Variants in EHBP1 observed in about 807,000 individuals in gnomAD.
EHBP1 encodes the protein EH domain-binding protein 1.
EHBP1 carries 55 observed loss-of-function variants against 144.0 expected under a neutral mutation model. The ratio of observed to expected loss-of-function variants is 0.38; its 90% confidence interval spans 0.31 to 0.48. The LOEUF (loss-of-function observed/expected upper bound fraction) is 0.48. Ranked by LOEUF, EHBP1 falls within the 20% of genes least tolerant of loss-of-function variation. The pLI is 0.98. For missense variants in EHBP1, 1,200 were observed against 1,364.2 expected (o/e 0.88, Z 1.90); for synonymous variants, 469 against 472.7 (o/e 0.99, Z 0.10).
At chr2:62,852,428 TA>T (rs918667330) in intron 7 of EHBP1, among the ~76,000 whole-genome samples, 1 of 152,010 alleles carries the variant, frequency 6.6e-6, no homozygotes, top group African/African-American at 2.4e-5. Context: ...TTATATTTTA[TA>T]TTTTCATAGT....
chr2:62,917,472 G>A (rs2054723601), intron 10 of EHBP1, among the ~76,000 whole-genome samples: 1 of 152,006 alleles, frequency 6.6e-6, no homozygotes, highest in South Asian at 2.1e-4. Flanking sequence ...ACATGTGTGT[G>A]CGCACACACA....
chr2:62,675,103 G>A (rs1470581754), intron 1 of EHBP1, among the ~76,000 whole-genome samples: 1 of 152,194 alleles, frequency 6.6e-6, no homozygotes, highest in Non-Finnish European at 1.5e-5. Context: ...GGCAGAAACT[G>A]GAGAGATTTC....
intron 7 of EHBP1, among the ~76,000 whole-genome samples, chr2:62,848,844 A>G (rs1210550791): frequency 1.3e-5 from 2 of 152,218 alleles, no homozygotes; most frequent in East Asian, 1.9e-4. Flanking sequence ...ACATGGGTGT[A>G]TATGTTTGTC....
intron 10 of EHBP1, 74 bp from the exon 11 acceptor site, chr2:62,942,644 A>G: frequency 1.5e-6 from 2 of 1,355,426 alleles, no homozygotes; most frequent in East Asian, 4.7e-5. Context: ...AAATGATCTG[A>G]TTAGGTCAAT....
At chr2:62,771,213 A>C (rs2041633189) in intron 4 of EHBP1, 126 bp from the exon 5 acceptor site, 1 of 537,930 alleles carries the variant, frequency 1.9e-6, no homozygotes. Context: ...AGAGTAGGCT[A>C]TTCTGCCTCT....
intron 14 of EHBP1, among the ~76,000 whole-genome samples, chr2:62,978,535 A>G (rs368785268): frequency 1.4e-4 from 22 of 152,026 alleles, no homozygotes; most frequent in East Asian, 7.7e-4. Context: ...CAACTCTCTT[A>G]TTTGTCTTGT....
intron 3 of EHBP1, among the ~76,000 whole-genome samples, chr2:62,751,462 G>C (rs138011519): frequency 9.7e-4 from 148 of 152,124 alleles, no homozygotes; most frequent in African/African-American, 3.3e-3. Flanking sequence ...TGCTGTGTCT[G>C]TGCCAGGCTT....
chr2:62,735,485 A>G (rs1401909720), intron 2 of EHBP1, among the ~76,000 whole-genome samples: 8 of 152,076 alleles, frequency 5.3e-5, no homozygotes. Context: ...TATACACACT[A>G]TGTATATTAA....
At chr2:62,685,297 C>G (rs983093513) in intron 1 of EHBP1, among the ~76,000 whole-genome samples, 15 of 152,006 alleles carry the variant, frequency 9.9e-5, no homozygotes, top group African/African-American at 3.6e-4. Flanking sequence ...ATATATACAA[C>G]TATAATTTGT....
chr2:62,853,476 G>A (rs1256996064), intron 7 of EHBP1, among the ~76,000 whole-genome samples: 1 of 152,128 alleles, frequency 6.6e-6, no homozygotes, highest in Non-Finnish European at 1.5e-5. Context: ...CACATCTGTG[G>A]TTACTTCCTC....
chr2:62,797,005 G>T (rs977344738), intron 5 of EHBP1, among the ~76,000 whole-genome samples: 1 of 151,952 alleles, frequency 6.6e-6, no homozygotes, highest in Admixed American at 6.6e-5. Flanking sequence ...TGAAACTTTG[G>T]AGCCCTATGA....
chr2:62,847,383 G>C lies in EHBP1; in HGVS notation c.635-11786G>C, dbSNP rs549674280. ...AAATACAAAACTGTAAAATGATGAAGCTTCTGAAAAAAAGCAAAACAAAAA... is the reference window on the plus strand; with the variant it reads ...AAATACAAAACTGTAAAATGATGAACCTTCTGAAAAAAAGCAAAACAAAAA... On this transcript the variant is annotated intron_variant, in intron 7 of 22. Transcript: ENST00000431489. Among the ~76,000 whole-genome samples, 335 of 152,080 alleles carry C rather than the reference G, an allele frequency of 2.2e-3. 2 individuals carry two copies. Among genetic ancestry groups the C allele is most frequent in the African/African-American group, 7.6e-3 (316 of 41,466 alleles).
At chr2:63,028,296 T>A (rs2061074606) in intron 19 of EHBP1, among the ~76,000 whole-genome samples, 1 of 152,196 alleles carries the variant, frequency 6.6e-6, no homozygotes, top group African/African-American at 2.4e-5. Context: ...CCTGGTTATC[T>A]GAACCCAAGC....
At chr2:62,887,670 C>G (rs1417045090) in intron 10 of EHBP1, among the ~76,000 whole-genome samples, 2 of 151,866 alleles carry the variant, frequency 1.3e-5, no homozygotes, top group East Asian at 3.9e-4. Flanking sequence ...AGCCCAGGAG[C>G]GGAGGTCGTG....
At chr2:62,738,819 G>T in intron 2 of EHBP1, among the ~76,000 whole-genome samples, 1 of 151,908 alleles carries the variant, frequency 6.6e-6, no homozygotes, top group South Asian at 2.1e-4. Context: ...TATTCCTTTG[G>T]TATTTTTCAT....
intron 5 of EHBP1, among the ~76,000 whole-genome samples, chr2:62,790,240 G>C (rs1364709783): frequency 6.6e-6 from 1 of 152,178 alleles, no homozygotes; most frequent in Admixed American, 6.5e-5. Context: ...TTGTCAGGTT[G>C]CTAAAAACGT....
At chr2:62,762,611 C>A (rs1462786804) in intron 3 of EHBP1, among the ~76,000 whole-genome samples, 1 of 152,140 alleles carries the variant, frequency 6.6e-6, no homozygotes, top group African/African-American at 2.4e-5. Context: ...TCAGCCTTGG[C>A]TACTTTCTTT....
intron 2 of EHBP1, among the ~76,000 whole-genome samples, chr2:62,735,155 A>C (rs1373453728): frequency 1.3e-5 from 2 of 152,096 alleles, no homozygotes; most frequent in Non-Finnish European, 2.9e-5. Flanking sequence ...TCCACCTTCT[A>C]AAGTGCTGGG....
chr2:62,883,512 A>G (rs1216326092), intron 10 of EHBP1, among the ~76,000 whole-genome samples: 2 of 152,180 alleles, frequency 1.3e-5, no homozygotes, highest in African/African-American at 4.8e-5. Context: ...GTTAGTTTGG[A>G]TAAGACACCT....
Sources: gnomAD v4.1 joint callset for allele counts (sites outside exome capture counted in the v4.1 genomes callset) on GRCh38, gnomAD v4.1.1 for gene constraint, MANE v1.5 for transcripts, NCBI Gene and HGNC (gene_info 2026-07-23, HGNC 2026-07-21) for gene names.